The following DUSP13B variants were observed in gnomAD, a reference collection of about 807,000 sequenced individuals.
DUSP13B encodes the protein dual specificity protein phosphatase 13B.
the DUSP13B span, among the ~76,000 whole-genome samples, chr10:75,101,242 G>A: frequency 6.6e-6 from 1 of 152,228 alleles, no homozygotes; most frequent in Non-Finnish European, 1.5e-5. Flanking sequence ...CACCAAGCCA[G>A]TTTCTTCAGT....
the DUSP13B span, chr10:75,094,854 A>C: frequency 1.2e-5 from 19 of 1,613,994 alleles, no homozygotes; most frequent in African/African-American, 2.4e-4. Flanking sequence ...GCTTACCCCC[A>C]TGGCACAGTG....
the DUSP13B span, among the ~76,000 whole-genome samples, chr10:75,100,698 A>T: frequency 6.6e-6 from 1 of 152,144 alleles, no homozygotes; most frequent in Non-Finnish European, 1.5e-5. Flanking sequence ...CCCGCTCAGC[A>T]GAGCAGCTGC....
chr10:75,104,161 G>A, the DUSP13B span: 1 of 1,205,370 alleles, frequency 8.3e-7, no homozygotes, highest in Non-Finnish European at 1.1e-6. Flanking sequence ...GCTGGGACTT[G>A]TTGGGGCAGG....
chr10:75,101,958 G>C, the DUSP13B span: 1 of 1,367,512 alleles, frequency 7.3e-7, no homozygotes, highest in African/African-American at 1.5e-5. Flanking sequence ...ACTTGATGCT[G>C]TTTCTATTTT....
chr10:75,101,832 A>C, the DUSP13B span: 39 of 1,342,696 alleles, frequency 2.9e-5, no homozygotes, highest in Non-Finnish European at 3.5e-5. Context: ...CAGGGACCAC[A>C]TCCTACCCCC....
At chr10:75,099,951 T>C in the DUSP13B span, among the ~76,000 whole-genome samples, 1 of 152,110 alleles carries the variant, frequency 6.6e-6, no homozygotes, top group South Asian at 2.1e-4. Context: ...GAGGGCAGTG[T>C]AGTGTGGTGG....
At chr10:75,095,388 A>G in the DUSP13B span, among the ~76,000 whole-genome samples, 1 of 152,150 alleles carries the variant, frequency 6.6e-6, no homozygotes, top group Non-Finnish European at 1.5e-5. Context: ...TATGTCTGCA[A>G]TTGCTAGCCT....
the DUSP13B span, chr10:75,101,805 T>A: frequency 1.1e-5 from 9 of 831,396 alleles, no homozygotes; most frequent in Non-Finnish European, 1.4e-5. Flanking sequence ...GTCCTGGCCC[T>A]CATTACCCAG....
the DUSP13B span, among the ~76,000 whole-genome samples, chr10:75,108,807 G>A: frequency 2.2e-4 from 34 of 152,162 alleles, no homozygotes; most frequent in South Asian, 4.1e-4. Context: ...TCAGGCAGGC[G>A]AAGTCCCTGC....
chr10:75,101,828 C>T, the DUSP13B span: 1 of 1,337,458 alleles, frequency 7.5e-7, no homozygotes, highest in African/African-American at 1.5e-5. Context: ...TGCTCAGGGA[C>T]CACATCCTAC....
chr10:75,095,240 C>T, the DUSP13B span, among the ~76,000 whole-genome samples: 2,169 of 152,300 alleles, frequency 0.014, 48 homozygotes, highest in African/African-American at 0.049. Context: ...GCCCTCTCGA[C>T]TGCCCCTGCA....
chr10:75,103,983 G>A, the DUSP13B span: 1 of 1,347,442 alleles, frequency 7.4e-7, no homozygotes, highest in Non-Finnish European at 9.9e-7. Context: ...ACCCCACGCT[G>A]GGCTTCCACC....
chr10:75,107,829 G>A, the DUSP13B span, among the ~76,000 whole-genome samples: 42 of 152,190 alleles, frequency 2.8e-4, no homozygotes, highest in African/African-American at 8.7e-4. Context: ...CACCCACCTC[G>A]GCCTCCCAAA....
chr10:75,096,590 A>G, the DUSP13B span, among the ~76,000 whole-genome samples: 2 of 151,982 alleles, frequency 1.3e-5, no homozygotes, highest in East Asian at 3.9e-4. Flanking sequence ...AAAAAAAAAA[A>G]AAAGAAAAAT....
the DUSP13B span, among the ~76,000 whole-genome samples, chr10:75,107,148 C>T: frequency 6.6e-6 from 1 of 152,178 alleles, no homozygotes; most frequent in Non-Finnish European, 1.5e-5. Flanking sequence ...CCAGCCTCGC[C>T]AACATGGTGA....
At chr10:75,107,737 C>T in the DUSP13B span, among the ~76,000 whole-genome samples, 4 of 152,102 alleles carry the variant, frequency 2.6e-5, no homozygotes, top group South Asian at 2.1e-4. Context: ...CCACCATGCC[C>T]GGCTAATATT....
chr10:75,096,589 A>G, the DUSP13B span, among the ~76,000 whole-genome samples: 1 of 151,642 alleles, frequency 6.6e-6, no homozygotes, highest in African/African-American at 2.4e-5. Flanking sequence ...AAAAAAAAAA[A>G]AAAAGAAAAA....
chr10:75,103,790 C>T, the DUSP13B span: 1 of 935,386 alleles, frequency 1.1e-6, no homozygotes, highest in African/African-American at 1.7e-5. Context: ...TCACAAATAT[C>T]TGGAACCCCC....
At chr10:75,094,668 C>T in the DUSP13B span, 1 of 1,613,036 alleles carries the variant, frequency 6.2e-7, no homozygotes, top group Non-Finnish European at 8.5e-7. Context: ...TCCTGGCTGC[C>T]TGCCAGATCA....
Sources: allele counts gnomAD v4.1 joint callset (sites outside exome capture counted in the v4.1 genomes callset), GRCh38; gene constraint gnomAD v4.1.1; transcripts MANE v1.5; gene names NCBI Gene and HGNC (gene_info 2026-07-23, HGNC 2026-07-21).